Variants in RUSC2 observed in about 807,000 individuals in gnomAD.
The protein encoded by RUSC2 is RUN and SH3 domain containing 2, also known as AP-4 complex accessory subunit RUSC2.
RUSC2 carries 34 observed loss-of-function variants against 122.2 expected under a neutral mutation model. That is an observed-to-expected ratio of 0.28 (90% CI 0.21 to 0.37). The LOEUF (loss-of-function observed/expected upper bound fraction) is 0.37, where lower values mean the gene tolerates loss of function less well. Ranked by LOEUF, RUSC2 falls within the 10% of genes least tolerant of loss-of-function variation. RUSC2 has a pLI of 1.00. For synonymous variants in RUSC2, 784 were observed against 790.0 expected, an observed-to-expected ratio of 0.99 and a Z score of 0.13; for missense variants, 1,747 against 1,952.4, an observed-to-expected ratio of 0.89 and a Z score of 1.98.
Position 35,558,409 on chromosome 9 carries a change from A to G in RUSC2, c.3235+38A>G, listed in dbSNP as rs1822069233. On this transcript the variant is annotated intron_variant, in intron 7 of 11. Coordinates refer to ENST00000361226, the MANE Select transcript of RUSC2 (RefSeq NM_014806.5). The surrounding 1 kb of genome is among the most constrained non-coding windows in gnomAD (Gnocchi z 4.3). ...TGCCAAGACGGGGACCCAGGGCTGAATTTAGGGCTCCAGAAATTGGTCATG... is the reference window on the plus strand; with the variant it reads ...TGCCAAGACGGGGACCCAGGGCTGAGTTTAGGGCTCCAGAAATTGGTCATG... 1 of 1,613,870 alleles carries G rather than the reference A, an allele frequency of 6.2e-7. No homozygotes were observed.
chr9:35,528,327 C>G (rs571442774), intron 1 of RUSC2, among the ~76,000 whole-genome samples: 2 of 151,582 alleles, frequency 1.3e-5, no homozygotes, highest in Non-Finnish European at 2.9e-5. Flanking sequence ...AAGGTTGCAG[C>G]GGGCTATGAT....
chr9:35,541,177 A>G (rs1206168936), intron 1 of RUSC2, among the ~76,000 whole-genome samples: 1 of 152,052 alleles, frequency 6.6e-6, no homozygotes, highest in Non-Finnish European at 1.5e-5. Flanking sequence ...CCTGGTAGGC[A>G]TAGCTAGAGG....
chr9:35,547,157 C>G lies in RUSC2; in HGVS notation c.636C>G (p.Gly212=). The change falls in exon 2 of 12, where the codon GGC becomes GGG. Residue 212 remains glycine (G), a synonymous_variant. Transcript: ENST00000361226. This position sits in a 1 kb window ranked among gnomAD's most constrained non-coding sequence, Gnocchi z 4.6. ...LDECGGPGGS[G]SGGGASDTSG... is the part of the protein sequence containing the mutation. ...AGTGTGGGGGACCTGGTGGGAGTGG[C>G]AGTGGGGGTGGAGCCAGCGATACCT... The G allele has an allele frequency of 1.9e-6, 3 of 1,614,146 alleles. No homozygotes were observed. The highest frequency in any genetic ancestry group is 2.5e-6 in the Non-Finnish European group (3 of 1,180,026).
chr9:35,522,950 G>A (rs1009102305), intron 1 of RUSC2, among the ~76,000 whole-genome samples: 1 of 152,196 alleles, frequency 6.6e-6, no homozygotes, highest in Non-Finnish European at 1.5e-5. Flanking sequence ...GTGTACTGAG[G>A]TGAAAGGTCA....
Position 35,555,623 on chromosome 9 carries a change from T to G in RUSC2, c.2578T>G (p.Trp860Gly). The change falls in exon 3 of 12, where the codon TGG (tryptophan) becomes GGG (glycine). Residue 860 changes from tryptophan to glycine, a missense_variant. Coordinates refer to ENST00000361226, the MANE Select transcript of RUSC2 (RefSeq NM_014806.5). The surrounding 1 kb of genome is among the most constrained non-coding windows in gnomAD (Gnocchi z 4.6). ...GTGSLPPLGS[W>G]RSGLSRAESL... ...AGGAAGCTTGCCGCCTCTGGGCTCC[T>G]GGCGATCTGGCCTCAGCCGAGCAGA... 1 of 1,612,500 alleles carries G rather than the reference T, an allele frequency of 6.2e-7. No homozygotes were observed. The highest frequency in any genetic ancestry group is 8.5e-7 in the Non-Finnish European group (1 of 1,180,004).
intron 1 of RUSC2, among the ~76,000 whole-genome samples, chr9:35,501,999 G>C (rs1820825245): frequency 6.6e-6 from 1 of 151,866 alleles, no homozygotes; most frequent in African/African-American, 2.4e-5. Flanking sequence ...ACTGAACATT[G>C]AGGGCTCTGC....
intron 2 of RUSC2, among the ~76,000 whole-genome samples, chr9:35,550,081 G>A (rs1409865237): frequency 2.0e-5 from 3 of 151,692 alleles, no homozygotes; most frequent in Admixed American, 6.6e-5. Context: ...GCATGGTGGC[G>A]CATGCCTGTA....
chr9:35,542,479 T>C (rs964248928), intron 1 of RUSC2, among the ~76,000 whole-genome samples: 2 of 152,054 alleles, frequency 1.3e-5, no homozygotes, highest in Non-Finnish European at 2.9e-5. Flanking sequence ...AAAACACAGT[T>C]AAGAAAACAG....
At chr9:35,499,904 C>T (rs925933444) in intron 1 of RUSC2, among the ~76,000 whole-genome samples, 9 of 152,254 alleles carry the variant, frequency 5.9e-5, no homozygotes, top group East Asian at 1.9e-4. Context: ...CTACTAGTCC[C>T]GTTCATCCTC....
chr9:35,556,357 C>T lies in RUSC2; in HGVS notation c.2892C>T (p.Pro964=), dbSNP rs1020897140. ...LPLTCPDFQD[P]FSLTEKPPAE... is the part of the protein sequence containing the mutation. ...TGACCTGCCCTGACTTCCAGGACCC[C>T]TTTTCCTTGACGGAGAAGCCTCCAG... Residue 964 remains proline (P), a synonymous_variant, in exon 5 of 12, where the codon CCC becomes CCT. Coordinates refer to ENST00000361226, the MANE Select transcript of RUSC2 (RefSeq NM_014806.5). The T allele has an allele frequency of 1.9e-6, 3 of 1,614,134 alleles. No individual in the cohort carries two copies. The highest frequency in any genetic ancestry group is 1.7e-5 in the Admixed American group (1 of 60,002).
rs865995629 is a variant in RUSC2 at position 35,511,628 on chromosome 9, A to G, written c.-93+21456A>G. 8.5e-5 allele frequency among the ~76,000 whole-genome samples: 13 copies of G among 152,332 alleles called. No homozygotes were observed. In the South Asian group the frequency reaches 2.5e-3, roughly 29 times the overall value. On this transcript the variant is annotated intron_variant, in intron 1 of 11. Coordinates refer to ENST00000361226, the MANE Select transcript of RUSC2 (RefSeq NM_014806.5). ...ATTTCAGTTCCTCGAACTTAGTTCA[A>G]CTCAGTAAACATTTTAATCATCTAC...
intron 1 of RUSC2, among the ~76,000 whole-genome samples, chr9:35,499,467 A>G (rs955388549): frequency 1.3e-5 from 2 of 152,208 alleles, no homozygotes; most frequent in East Asian, 3.9e-4. Flanking sequence ...TTTATCTTCA[A>G]GAAAATGAGA....
intron 2 of RUSC2, among the ~76,000 whole-genome samples, chr9:35,554,310 C>T (rs983915116): frequency 4.6e-5 from 7 of 152,208 alleles, no homozygotes; most frequent in Admixed American, 3.3e-4. Flanking sequence ...GGGAACATAC[C>T]TCCGTTCAGG....
At position 35,529,428 on chromosome 9, in the gene RUSC2, A is replaced by G. The variant is rs368228480; in HGVS notation, c.-92-17002A>G. Among the ~76,000 whole-genome samples, 50 of 151,582 alleles carry G rather than the reference A, an allele frequency of 3.3e-4. No homozygotes were observed. In the South Asian group the frequency reaches 9.0e-3, roughly 27 times the overall value. ...TAGCCAGTTCTTTTGGTTTTTTTTC[A>G]AGCAAAACAAGCTGGAAATCTAGAT... On this transcript the variant is annotated intron_variant, in intron 1 of 11. Coordinates refer to ENST00000361226, the MANE Select transcript of RUSC2 (RefSeq NM_014806.5).
Position 35,560,813 on chromosome 9 carries a change from C to T in RUSC2, c.4173C>T (p.Gly1391=), listed in dbSNP as rs144012464. Residue 1391 remains glycine (G), a synonymous_variant, in exon 10 of 12, where the codon GGC becomes GGT. Transcript: ENST00000361226. ...GCATCAAGTGGGGACACCTCTTTGG[C>T]TCCCGAAAAGCCCAGCGGGAGGCCC... The part of the protein sequence containing the change: ...PGGIKWGHLF[G]SRKAQREARP... 1.3e-6 allele frequency: 2 copies of T among 1,528,460 alleles called. No homozygotes were observed. Among genetic ancestry groups the T allele is most frequent in the South Asian group, 1.3e-5 (1 of 76,032 alleles). The allele number at this position is 1,528,460 out of a possible 1,614,324, so 94.7% of individuals were successfully genotyped here.
chr9:35,521,343 T>G (rs1821210372), intron 1 of RUSC2, among the ~76,000 whole-genome samples: 1 of 152,162 alleles, frequency 6.6e-6, no homozygotes, highest in Admixed American at 6.5e-5. Flanking sequence ...AGAAAATAAT[T>G]TTTTGTTTTC....
At chr9:35,508,768 C>T (rs1220328457) in intron 1 of RUSC2, among the ~76,000 whole-genome samples, 1 of 152,196 alleles carries the variant, frequency 6.6e-6, no homozygotes, top group Non-Finnish European at 1.5e-5. Context: ...TCTGGAGCCA[C>T]TACAGCTTCT....
chr9:35,528,755 C>T (rs1024044712), intron 1 of RUSC2, among the ~76,000 whole-genome samples: 2 of 152,120 alleles, frequency 1.3e-5, no homozygotes, highest in Non-Finnish European at 2.9e-5. Context: ...GTCTTCTCTC[C>T]TCAGTCTCTC....
chr9:35,498,094 G>A (rs957184106), intron 1 of RUSC2, among the ~76,000 whole-genome samples: 1 of 151,542 alleles, frequency 6.6e-6, no homozygotes, highest in African/African-American at 2.4e-5. Flanking sequence ...TGTTTTTGTG[G>A]CATCTTTAGG....
Sources: allele counts gnomAD v4.1 joint callset (sites outside exome capture counted in the v4.1 genomes callset), GRCh38; gene constraint gnomAD v4.1.1; non-coding constraint Gnocchi (gnomAD v3.1); transcripts MANE v1.5; gene names NCBI Gene and HGNC (gene_info 2026-07-23, HGNC 2026-07-21).